Variants in CCDC91 observed in about 807,000 individuals in gnomAD.
CCDC91 encodes the protein coiled-coil domain-containing protein 91.
In CCDC91, 48 loss-of-function variants were observed where a neutral mutation model predicts 63.2. The observed-to-expected ratio is 0.76, with a 90% confidence interval of 0.60 to 0.97. The LOEUF (loss-of-function observed/expected upper bound fraction) is 0.97. Ranked by LOEUF, CCDC91 falls within the 50% of genes least tolerant of loss-of-function variation. CCDC91 has a pLI of 0.00. For synonymous variants in CCDC91, 167 were observed against 165.8 expected, an observed-to-expected ratio of 1.01 and a Z score of -0.06; for missense variants, 500 against 494.6, an observed-to-expected ratio of 1.01 and a Z score of -0.10.
chr12:28,496,618 C>T (rs1489554957), intron 12 of CCDC91, among the ~76,000 whole-genome samples: 1 of 151,480 alleles, frequency 6.6e-6, no homozygotes, highest in East Asian at 2.0e-4. Context: ...TTGGCTAATT[C>T]TAAAACTGAT....
At chr12:28,445,068 A>G (rs756052120) in intron 8 of CCDC91, among the ~76,000 whole-genome samples, 3 of 152,286 alleles carry the variant, frequency 2.0e-5, no homozygotes, top group African/African-American at 2.4e-5. Context: ...TCTTAGTTAT[A>G]TATCAGTTTG....
At chr12:28,194,710 T>C (rs1350344476) in intron 1 of CCDC91, among the ~76,000 whole-genome samples, 1 of 152,142 alleles carries the variant, frequency 6.6e-6, no homozygotes, top group Admixed American at 6.5e-5. Context: ...CGGTGAGTGT[T>C]ACAGCTCATA....
At chr12:28,438,044 G>A (rs1367152492) in intron 8 of CCDC91, among the ~76,000 whole-genome samples, 1 of 152,150 alleles carries the variant, frequency 6.6e-6, no homozygotes, top group East Asian at 1.9e-4. Flanking sequence ...ATTGTAGAGT[G>A]TAAGGATGTT....
At position 28,247,784 on chromosome 12, in the gene CCDC91, A is replaced by G. The variant is rs116169567; in HGVS notation, c.-14-9418A>G. Among the ~76,000 whole-genome samples, 310 of 152,110 alleles carry G rather than the reference A, an allele frequency of 2.0e-3. 1 individual carries two copies. Among genetic ancestry groups the G allele is most frequent in the African/African-American group, 7.0e-3 (292 of 41,472 alleles). On this transcript the variant is annotated intron_variant, in intron 1 of 12. Transcript: ENST00000536442. ...CCAGGGACTGGTTTTGTGGAAGACA[A>G]TTTTTCTATGAACTGGAACGTTGGG...
At chr12:28,534,061 T>TC (rs1202910019) in intron 12 of CCDC91, among the ~76,000 whole-genome samples, 1 of 152,148 alleles carries the variant, frequency 6.6e-6, no homozygotes, top group African/African-American at 2.4e-5. Context: ...TATTAAATCT[T>TC]CATCTTCTAT....
chr12:28,395,623 G>C (rs1253403479), intron 8 of CCDC91, among the ~76,000 whole-genome samples: 2 of 152,136 alleles, frequency 1.3e-5, no homozygotes, highest in African/African-American at 4.8e-5. Flanking sequence ...GGGAAGGAAG[G>C]AGCCTGGTAC....
intron 6 of CCDC91, among the ~76,000 whole-genome samples, chr12:28,324,695 A>C (rs1940821010): frequency 6.6e-6 from 1 of 151,762 alleles, no homozygotes; most frequent in South Asian, 2.1e-4. Flanking sequence ...AATAATAATA[A>C]TACTTCCTTT....
intron 1 of CCDC91, among the ~76,000 whole-genome samples, chr12:28,240,242 A>G (rs1008594279): frequency 6.6e-6 from 1 of 152,132 alleles, no homozygotes; most frequent in African/African-American, 2.4e-5. Context: ...CATGTTTTCT[A>G]CCGTTTTCAC....
intron 8 of CCDC91, among the ~76,000 whole-genome samples, chr12:28,412,124 TACACCA>T (rs1225999726): frequency 3.3e-5 from 5 of 152,302 alleles, no homozygotes; most frequent in African/African-American, 9.6e-5. Context: ...AGCAATAGAT[TACACCA>T]TACATTCTAG....
chr12:28,350,976 G>A (rs1336070486), intron 6 of CCDC91, among the ~76,000 whole-genome samples: 1 of 152,114 alleles, frequency 6.6e-6, no homozygotes, highest in Non-Finnish European at 1.5e-5. Flanking sequence ...CCAAGGATTA[G>A]GACTTGGACA....
intron 6 of CCDC91, among the ~76,000 whole-genome samples, chr12:28,360,281 G>T (rs1943791748): frequency 1.3e-5 from 2 of 152,202 alleles, no homozygotes; most frequent in South Asian, 4.1e-4. Flanking sequence ...TAATAAATAA[G>T]GGGAATTGAT....
intron 8 of CCDC91, among the ~76,000 whole-genome samples, chr12:28,428,574 C>CAAAA (rs58423499): frequency 2.3e-4 from 12 of 52,828 alleles, no homozygotes; most frequent in African/African-American, 1.1e-3. Context: ...CGTCTCTCCC[C>CAAAA]AAAAAAAAAA....
chr12:28,412,788 G>A, intron 8 of CCDC91: 1 of 453,714 alleles, frequency 2.2e-6, no homozygotes, highest in South Asian at 1.6e-5. Context: ...GCGATTGGCT[G>A]CTTTTAGAAT....
intron 7 of CCDC91, among the ~76,000 whole-genome samples, chr12:28,377,434 A>G (rs1945018691): frequency 6.6e-6 from 1 of 151,916 alleles, no homozygotes; most frequent in Non-Finnish European, 1.5e-5. Flanking sequence ...TGAAAAAGGC[A>G]AAAAAGAAAA....
chr12:28,352,993 G>T (rs1204435690), intron 6 of CCDC91, among the ~76,000 whole-genome samples: 2 of 152,208 alleles, frequency 1.3e-5, no homozygotes, highest in East Asian at 3.8e-4. Context: ...TGTTTTGTCT[G>T]CATTGCAGAT....
intron 1 of CCDC91, among the ~76,000 whole-genome samples, chr12:28,254,717 TG>T (rs1210738895): frequency 1.3e-5 from 2 of 152,070 alleles, no homozygotes; most frequent in African/African-American, 2.4e-5. Flanking sequence ...GGACATAATT[TG>T]TTTTTTTAAA....
At chr12:28,259,263 T>G (rs1946657810) in intron 2 of CCDC91, 101 bp from the exon 3 acceptor site, 1 of 795,734 alleles carries the variant, frequency 1.3e-6, no homozygotes, top group Non-Finnish European at 2.2e-6. Context: ...AAATGTCTGG[T>G]GTGTTATAGA....
At chr12:28,200,084 T>C (rs1942094859) in intron 1 of CCDC91, among the ~76,000 whole-genome samples, 1 of 152,124 alleles carries the variant, frequency 6.6e-6, no homozygotes, top group Admixed American at 6.5e-5. Flanking sequence ...TATGTTGGTA[T>C]GCTTGATGGT....
intron 1 of CCDC91, chr12:28,256,151 AT>A (rs1309187941): frequency 6.6e-6 from 1 of 152,130 alleles, no homozygotes; most frequent in African/African-American, 2.4e-5. Context: ...TAAGGGGTAC[AT>A]GTGCAGGTTT....
Sources: gnomAD v4.1 joint callset for allele counts (sites outside exome capture counted in the v4.1 genomes callset) on GRCh38, gnomAD v4.1.1 for gene constraint, MANE v1.5 for transcripts, NCBI Gene and HGNC (gene_info 2026-07-23, HGNC 2026-07-21) for gene names.